SNRK: variants seen among roughly 807,000 people sequenced by gnomAD.
The protein encoded by SNRK is SNF-related serine/threonine-protein kinase.
A neutral mutation model predicts 48.2 loss-of-function variants in SNRK; 3 were observed. The observed-to-expected ratio is 0.06, with a 90% CI of 0.03 to 0.16. SNRK has a LOEUF of 0.16. SNRK is among the 10% of genes least tolerant of loss of function. SNRK has a pLI of 1.00. For missense variants in SNRK, 627 were observed against 976.0 expected (o/e 0.64, Z 4.76); for synonymous variants, 376 against 366.1 (o/e 1.03, Z -0.31).
intron 6 of SNRK, among the ~76,000 whole-genome samples, chr3:43,346,432 A>G (rs2125649987): frequency 6.6e-6 from 1 of 152,358 alleles, no homozygotes; most frequent in South Asian, 2.1e-4. Flanking sequence ...AATAGCAGCT[A>G]GAGAGCCTCA....
intron 3 of SNRK, among the ~76,000 whole-genome samples, chr3:43,331,911 C>G (rs142895631): frequency 1.3e-5 from 2 of 152,262 alleles, no homozygotes; most frequent in African/African-American, 4.8e-5. Context: ...TATTATTGCT[C>G]TGTTACCAAA....
intron 3 of SNRK, among the ~76,000 whole-genome samples, chr3:43,308,680 T>C (rs2090956291): frequency 6.6e-6 from 1 of 152,200 alleles, no homozygotes; most frequent in Non-Finnish European, 1.5e-5. Context: ...TTGACAATGC[T>C]CCTGGTCACC....
chr3:43,321,269 G>A (rs1407639398), intron 3 of SNRK, among the ~76,000 whole-genome samples: 4 of 152,148 alleles, frequency 2.6e-5, no homozygotes, highest in African/African-American at 4.8e-5. Context: ...GAACAAAGGG[G>A]ACAGCTTTTC....
chr3:43,327,735 C>T (rs560790629), intron 3 of SNRK, among the ~76,000 whole-genome samples: 2 of 152,200 alleles, frequency 1.3e-5, no homozygotes, highest in Non-Finnish European at 2.9e-5. Context: ...GTTTTGTTTT[C>T]ATTTTGATCT....
intron 1 of SNRK, among the ~76,000 whole-genome samples, chr3:43,298,472 G>A (rs1057040858): frequency 3.3e-5 from 5 of 152,156 alleles, no homozygotes; most frequent in African/African-American, 7.2e-5. Flanking sequence ...TGCCAGCCCT[G>A]TGTGTGCTGC....
At position 43,299,239 on chromosome 3, in the gene SNRK, G is replaced by A. The variant is rs180780434; in HGVS notation, c.-168-515G>A. On this transcript the variant is annotated intron_variant, in intron 1 of 6. Transcript: ENST00000296088. ...GTCACCCAGGTTGGAGTGCAATGGC[G>A]CCATCTCGGCTCATTGCAACCTCCG... is the stretch of plus-strand genomic sequence containing the variant. 3.3e-3 allele frequency among the ~76,000 whole-genome samples: 502 copies of A among 152,246 alleles called. 1 individual carries two copies. Among genetic ancestry groups the A allele is most frequent in the Non-Finnish European group, 3.3e-3 (226 of 68,012 alleles).
At chr3:43,331,588 C>T (rs909069810) in intron 3 of SNRK, among the ~76,000 whole-genome samples, 1 of 152,184 alleles carries the variant, frequency 6.6e-6, no homozygotes, top group Non-Finnish European at 1.5e-5. Flanking sequence ...TGAAATGTGT[C>T]TCTTAAGTAA....
chr3:43,310,101 C>G (rs959548144), intron 3 of SNRK, among the ~76,000 whole-genome samples: 1 of 152,140 alleles, frequency 6.6e-6, no homozygotes, highest in African/African-American at 2.4e-5. Flanking sequence ...ACCGAACCCA[C>G]AGTATCGCTG....
At position 43,348,530 on chromosome 3, in the gene SNRK, C is replaced by G. The variant is rs2091297736; in HGVS notation, c.2271C>G (p.Ser757Arg). Residue 757 changes from serine (S) to arginine (R), a missense_variant, in exon 7 of 7, where the codon AGC (serine) becomes AGG (arginine). Physicochemically the swap from Ser to Arg is moderately radical, Grantham distance 110 (BLOSUM62 -1). Transcript: ENST00000296088. ...NPKEGLLCAS[S>R]PASCCHVI ...AGGAGGGGCTGCTGTGCGCATCCAG[C>G]CCAGCCAGCTGTTGCCATGTCATCT... 2.6e-6 allele frequency: 4 copies of G among 1,544,984 alleles called. No individual in the cohort carries two copies. The African/African-American group carries it at 5.5e-5, about 21-fold the overall frequency.
intron 1 of SNRK, among the ~76,000 whole-genome samples, chr3:43,291,382 A>C (rs915521530): frequency 1.3e-5 from 2 of 152,178 alleles, no homozygotes; most frequent in Non-Finnish European, 2.9e-5. Context: ...ATAAGTTGAG[A>C]CAGAGACCTT....
chr3:43,321,783 G>A (rs867785879), intron 3 of SNRK, among the ~76,000 whole-genome samples: 8 of 152,172 alleles, frequency 5.3e-5, no homozygotes, highest in Non-Finnish European at 1.0e-4. Flanking sequence ...AAGGCGAGGC[G>A]CCTACTTACC....
In SNRK at chr3:43,348,606, G is replaced by A. The variant is rs1328959054; in HGVS notation, c.*49G>A. The A allele has an allele frequency of 6.8e-7, 1 of 1,466,766 alleles. No homozygotes were observed. The highest frequency in any genetic ancestry group is 1.4e-5 in the African/African-American group (1 of 70,372). The allele number at this position is 1,466,766 out of a possible 1,614,324, so 90.9% of individuals were successfully genotyped here. A position where few individuals can be genotyped will look rare whatever the true frequency, so the allele number is the denominator to read the frequency against. On this transcript the variant is annotated 3_prime_UTR_variant, in exon 7 of 7. Transcript: ENST00000296088. ...CACGCTTCCTGCTCAGAGCAGTGAA[G>A]ACCGGCTCACTTCACTGTTCCATTT...
chr3:43,286,894 G>A (rs1315323215), intron 1 of SNRK, among the ~76,000 whole-genome samples: 1 of 144,450 alleles, frequency 6.9e-6, no homozygotes, highest in African/African-American at 2.5e-5. Flanking sequence ...CCCGCGGCGC[G>A]GCCTGGCGGC....
Position 43,341,252 on chromosome 3 carries a change from G to A in SNRK, c.944+753G>A, listed in dbSNP as rs570408643. Among the ~76,000 whole-genome samples, 12 of 151,812 alleles carry A rather than the reference G, an allele frequency of 7.9e-5. No homozygotes were observed. In the East Asian group the frequency reaches 9.7e-4, roughly 12 times the overall value. On this transcript the variant is annotated intron_variant, in intron 5 of 6. Coordinates refer to ENST00000296088, the MANE Select transcript of SNRK (RefSeq NM_017719.5). ...TGCAAGCTCCGCCTCCCGGGTTCACGCCATTCTCCTGCCTCAGCCTCCCAA... is the reference window on the plus strand; with the variant it reads ...TGCAAGCTCCGCCTCCCGGGTTCACACCATTCTCCTGCCTCAGCCTCCCAA...
intron 3 of SNRK, among the ~76,000 whole-genome samples, chr3:43,314,569 T>C (rs527713402): frequency 6.6e-6 from 1 of 152,304 alleles, no homozygotes; most frequent in South Asian, 2.1e-4. Flanking sequence ...GTAGACTCTT[T>C]CCTATAAAAG....
intron 3 of SNRK, among the ~76,000 whole-genome samples, chr3:43,325,508 T>C (rs951555088): frequency 5.9e-5 from 9 of 152,228 alleles, no homozygotes; most frequent in East Asian, 3.9e-4. Context: ...AACATCAAAA[T>C]ACTCCACTAG....
At chr3:43,310,611 T>G (rs377259837) in intron 3 of SNRK, among the ~76,000 whole-genome samples, 1 of 152,214 alleles carries the variant, frequency 6.6e-6, no homozygotes, top group Non-Finnish European at 1.5e-5. Flanking sequence ...CAAGTCCTTA[T>G]GTGTCTAAAA....
At chr3:43,292,505 C>T (rs990768938) in intron 1 of SNRK, among the ~76,000 whole-genome samples, 1 of 152,132 alleles carries the variant, frequency 6.6e-6, no homozygotes, top group African/African-American at 2.4e-5. Flanking sequence ...TTGTTTTGTC[C>T]AGCACGGTTG....
At chr3:43,334,401 C>T (rs969980937) in intron 4 of SNRK, among the ~76,000 whole-genome samples, 6 of 151,498 alleles carry the variant, frequency 4.0e-5, no homozygotes, top group Middle Eastern at 3.4e-3. Flanking sequence ...GTCGAGGATA[C>T]GGTGAGCTGC....
Sources: gnomAD v4.1 joint callset for allele counts (sites outside exome capture counted in the v4.1 genomes callset) on GRCh38, gnomAD v4.1.1 for gene constraint, MANE v1.5 for transcripts, NCBI Gene and HGNC (gene_info 2026-07-23, HGNC 2026-07-21) for gene names.